MGAT4C: variants seen among roughly 807,000 people sequenced by gnomAD.
The protein encoded by MGAT4C is MGAT4 family member C.
A neutral mutation model predicts 40.1 loss-of-function variants in MGAT4C; 19 were observed. The observed-to-expected ratio is 0.47, with a 90% confidence interval of 0.33 to 0.70. MGAT4C has a LOEUF of 0.70. Ranked by LOEUF, MGAT4C falls within the 30% of genes least tolerant of loss-of-function variation. The pLI is 0.02. For missense variants in MGAT4C, 491 were observed against 563.2 expected, an observed-to-expected ratio of 0.87 and a Z score of 1.30; for synonymous variants, 181 against 187.1, an observed-to-expected ratio of 0.97 and a Z score of 0.27.
At chr12:86,691,967 A>G (rs2136598968) in intron 2 of MGAT4C, among the ~76,000 whole-genome samples, 1 of 152,266 alleles carries the variant, frequency 6.6e-6, no homozygotes, top group East Asian at 1.9e-4. Flanking sequence ...TGATAAATAT[A>G]ATTACTTTAA....
intron 4 of MGAT4C, among the ~76,000 whole-genome samples, chr12:86,304,607 T>G (rs1000439396): frequency 1.2e-4 from 18 of 150,750 alleles, no homozygotes; most frequent in Non-Finnish European, 2.4e-4. Flanking sequence ...ATGAGTTTAA[T>G]TGTTATCTTC....
intron 1 of MGAT4C, among the ~76,000 whole-genome samples, chr12:86,055,826 T>C (rs151305723): frequency 3.6e-4 from 55 of 152,198 alleles, no homozygotes; most frequent in Admixed American, 1.4e-3. Context: ...ATGATTCAAG[T>C]ATCTTTTCAC....
intron 2 of MGAT4C, among the ~76,000 whole-genome samples, chr12:86,471,258 T>C (rs898261936): frequency 6.6e-6 from 1 of 152,030 alleles, no homozygotes; most frequent in African/African-American, 2.4e-5. Context: ...AAAAAATATG[T>C]ATAACTCTTG....
chr12:85,995,366 C>T (rs757974049), intron 2 of MGAT4C, among the ~76,000 whole-genome samples: 7 of 152,128 alleles, frequency 4.6e-5, no homozygotes, highest in South Asian at 2.1e-4. Context: ...ATTCTGCAGA[C>T]GGCTCTTCAA....
At chr12:86,814,921 T>C (rs868574063) in intron 1 of MGAT4C, among the ~76,000 whole-genome samples, 1 of 152,104 alleles carries the variant, frequency 6.6e-6, no homozygotes, top group South Asian at 2.1e-4. Context: ...AATAAACTTT[T>C]ATTGTTTATA....
At chr12:86,454,885 G>A (rs1957486103) in intron 2 of MGAT4C, among the ~76,000 whole-genome samples, 1 of 151,892 alleles carries the variant, frequency 6.6e-6, no homozygotes, top group African/African-American at 2.4e-5. Context: ...ATTTTATGTT[G>A]TTTCTTTCTC....
intron 4 of MGAT4C, among the ~76,000 whole-genome samples, chr12:86,319,219 A>C (rs961011015): frequency 6.6e-6 from 1 of 152,198 alleles, no homozygotes; most frequent in African/African-American, 2.4e-5. Flanking sequence ...TCTATACACC[A>C]AATCATGCAT....
intron 3 of MGAT4C, among the ~76,000 whole-genome samples, chr12:86,348,348 C>T (rs892725915): frequency 6.6e-6 from 1 of 151,952 alleles, no homozygotes; most frequent in Non-Finnish European, 1.5e-5. Context: ...TTCTTAGAAT[C>T]CACTGATATT....
At chr12:86,236,211 C>G in intron 1 of MGAT4C, among the ~76,000 whole-genome samples, 1 of 152,012 alleles carries the variant, frequency 6.6e-6, no homozygotes, top group African/African-American at 2.4e-5. Context: ...AAAGGTAGAG[C>G]GTTTTCAGGG....
At chr12:86,216,204 C>A (rs545580003) in intron 1 of MGAT4C, among the ~76,000 whole-genome samples, 7 of 151,976 alleles carry the variant, frequency 4.6e-5, no homozygotes, top group African/African-American at 1.7e-4. Context: ...GTAACTAGTG[C>A]GGGGAAGTTT....
chr12:86,752,660 C>T (rs1840865293), intron 1 of MGAT4C, among the ~76,000 whole-genome samples: 1 of 151,854 alleles, frequency 6.6e-6, no homozygotes, highest in Non-Finnish European at 1.5e-5. Flanking sequence ...TTAGCTTTTC[C>T]TTAATTTCTT....
chr12:86,440,540 A>G (rs1957208153), intron 2 of MGAT4C, among the ~76,000 whole-genome samples: 1 of 152,018 alleles, frequency 6.6e-6, no homozygotes, highest in African/African-American at 2.4e-5. Context: ...GGGGAAAAGA[A>G]GAAAACATTC....
At chr12:85,988,113 T>C (rs1354406015) in intron 3 of MGAT4C, among the ~76,000 whole-genome samples, 1 of 152,206 alleles carries the variant, frequency 6.6e-6, no homozygotes, top group African/African-American at 2.4e-5. Flanking sequence ...TAAGTTTGCC[T>C]AAATCATACC....
At chr12:86,832,997 T>C (rs11104118) in intron 1 of MGAT4C, among the ~76,000 whole-genome samples, 14,693 of 151,920 alleles carry the variant, frequency 0.097, 983 homozygotes, top group Non-Finnish European at 0.14. Flanking sequence ...ACTTAAAATA[T>C]TGAGGTAGAC....
intron 1 of MGAT4C, among the ~76,000 whole-genome samples, chr12:86,099,352 T>A (rs2135592367): frequency 6.6e-6 from 1 of 151,376 alleles, no homozygotes; most frequent in South Asian, 2.1e-4. Context: ...GTTATTTTTA[T>A]TCAAAACTTT....
chr12:86,261,858 C>T (rs1191800901), intron 4 of MGAT4C, among the ~76,000 whole-genome samples: 1 of 152,044 alleles, frequency 6.6e-6, no homozygotes, highest in Non-Finnish European at 1.5e-5. Context: ...CCCTCCCCCA[C>T]CACATTCATG....
intron 1 of MGAT4C, among the ~76,000 whole-genome samples, chr12:86,802,029 T>C (rs1952239002): frequency 1.3e-5 from 2 of 151,912 alleles, no homozygotes; most frequent in Admixed American, 6.6e-5. Context: ...TCAGCCACTA[T>C]TAGGAACTTG....
chr12:86,533,112 A>T (rs1959011358), intron 2 of MGAT4C, among the ~76,000 whole-genome samples: 1 of 152,048 alleles, frequency 6.6e-6, no homozygotes, highest in Non-Finnish European at 1.5e-5. Context: ...ATGTAAACAC[A>T]GTTAATTTGG....
intron 1 of MGAT4C, among the ~76,000 whole-genome samples, chr12:86,815,228 A>C (rs1026999006): frequency 3.3e-4 from 51 of 152,268 alleles, no homozygotes; most frequent in African/African-American, 1.2e-3. Context: ...ACAAATTGCC[A>C]ACAAACATAT....
Sources: allele counts gnomAD v4.1 joint callset (sites outside exome capture counted in the v4.1 genomes callset), GRCh38; gene constraint gnomAD v4.1.1; transcripts MANE v1.5; gene names NCBI Gene and HGNC (gene_info 2026-07-23, HGNC 2026-07-21).